Variants in IPCEF1 observed in about 807,000 individuals in gnomAD.
IPCEF1 encodes the protein interactor protein for cytohesin exchange factors 1.
IPCEF1 carries 31 observed loss-of-function variants against 50.9 expected under a neutral mutation model. The observed-to-expected ratio is 0.61, with a 90% CI of 0.46 to 0.82. The LOEUF is 0.82. Among genes scored for constraint, IPCEF1 ranks in the 40% least tolerant of loss-of-function variants. IPCEF1 has a pLI of 0.00. For synonymous variants in IPCEF1, 181 were observed against 192.0 expected (o/e 0.94, Z 0.47); for missense variants, 458 against 514.0 (o/e 0.89, Z 1.05).
At chr6:154,350,596 AT>A (rs1289600641) in intron 1 of IPCEF1, among the ~76,000 whole-genome samples, 1 of 152,250 alleles carries the variant, frequency 6.6e-6, no homozygotes, top group African/African-American at 2.4e-5. Flanking sequence ...AGCACATAAA[AT>A]TACTTTCATT....
intron 1 of IPCEF1, among the ~76,000 whole-genome samples, chr6:154,354,427 A>ACCTCCACCACCACCTCCACCATCT (rs1784173587): frequency 5.9e-4 from 86 of 144,978 alleles, no homozygotes; most frequent in Non-Finnish European, 9.2e-4. Context: ...CTCCACCACC[A>ACCTCCACCACCACCTCCACCATCT]CCTCCACCAT....
chr6:154,252,020 A>G (rs1781348633), intron 3 of IPCEF1, among the ~76,000 whole-genome samples: 1 of 152,238 alleles, frequency 6.6e-6, no homozygotes, highest in South Asian at 2.1e-4. Context: ...TCTGATAAAC[A>G]TGTGAGACAT....
intron 9 of IPCEF1, among the ~76,000 whole-genome samples, chr6:154,203,242 T>C (rs990814061): frequency 2.0e-5 from 3 of 152,114 alleles, no homozygotes; most frequent in Non-Finnish European, 2.9e-5. Flanking sequence ...CTGGTAAATA[T>C]GAGCCCAACC....
intron 9 of IPCEF1, among the ~76,000 whole-genome samples, chr6:154,209,674 T>A (rs537442805): frequency 1.3e-5 from 2 of 151,972 alleles, no homozygotes; most frequent in East Asian, 1.9e-4. Flanking sequence ...TACTATATAT[T>A]TTTTTTATTT....
chr6:154,354,358 C>T (rs1295456975), intron 1 of IPCEF1, among the ~76,000 whole-genome samples: 1 of 138,598 alleles, frequency 7.2e-6, no homozygotes, highest in African/African-American at 2.7e-5. Context: ...CCATGTCTAC[C>T]ATCACTTCTA....
At chr6:154,280,315 C>T (rs1280607150) in intron 2 of IPCEF1, among the ~76,000 whole-genome samples, 1 of 152,118 alleles carries the variant, frequency 6.6e-6, no homozygotes, top group African/African-American at 2.4e-5. Flanking sequence ...CCTATAATCC[C>T]AGTGCTTTGA....
At chr6:154,287,164 T>C (rs951816454) in intron 2 of IPCEF1, among the ~76,000 whole-genome samples, 181 of 75,600 alleles carry the variant, frequency 2.4e-3, no homozygotes, top group African/African-American at 6.7e-3. Flanking sequence ...TCTCTCCCTC[T>C]CTCTCTCTCT....
At chr6:154,273,078 A>C (rs973262929) in intron 2 of IPCEF1, among the ~76,000 whole-genome samples, 9 of 152,222 alleles carry the variant, frequency 5.9e-5, no homozygotes, top group African/African-American at 2.2e-4. Flanking sequence ...ATAACATAGG[A>C]GCTAGGTTGA....
At chr6:154,307,723 C>T (rs1040625847) in intron 1 of IPCEF1, among the ~76,000 whole-genome samples, 2 of 152,206 alleles carry the variant, frequency 1.3e-5, no homozygotes, top group Non-Finnish European at 2.9e-5. Context: ...CACAGATCTG[C>T]ATTTAATGTG....
chr6:154,282,104 G>A (rs2128664512), intron 2 of IPCEF1, among the ~76,000 whole-genome samples: 1 of 152,280 alleles, frequency 6.6e-6, no homozygotes, highest in African/African-American at 2.4e-5. Context: ...GGGAAGCGGA[G>A]GTGGCAATGA....
At chr6:154,350,877 C>T (rs1413893236) in intron 1 of IPCEF1, among the ~76,000 whole-genome samples, 2 of 152,124 alleles carry the variant, frequency 1.3e-5, no homozygotes, top group Non-Finnish European at 1.5e-5. Flanking sequence ...CACATCACCA[C>T]ACCTGGCCAC....
At chr6:154,310,242 A>G (rs554723132) in intron 1 of IPCEF1, among the ~76,000 whole-genome samples, 1 of 152,364 alleles carries the variant, frequency 6.6e-6, no homozygotes, top group East Asian at 1.9e-4. Context: ...AAAAGAGGAC[A>G]TATGATTGGC....
intron 1 of IPCEF1, among the ~76,000 whole-genome samples, chr6:154,302,466 G>C (rs1045732781): frequency 6.6e-6 from 1 of 152,112 alleles, no homozygotes; most frequent in South Asian, 2.1e-4. Flanking sequence ...CCAAGTCCCA[G>C]CTTTTTCTTT....
chr6:154,177,385 T>A (rs1800426656), intron 10 of IPCEF1, among the ~76,000 whole-genome samples: 1 of 151,934 alleles, frequency 6.6e-6, no homozygotes. Context: ...TTGCAATCTA[T>A]CCATCTGACA....
At chr6:154,287,982 A>G (rs1782404706) in intron 2 of IPCEF1, among the ~76,000 whole-genome samples, 2 of 152,258 alleles carry the variant, frequency 1.3e-5, no homozygotes, top group African/African-American at 4.8e-5. Flanking sequence ...CTGACTCATC[A>G]GTAAATGCGT....
intron 7 of IPCEF1, chr6:154,216,962 C>A: frequency 6.2e-6 from 1 of 162,512 alleles, no homozygotes; most frequent in East Asian, 1.6e-4. Flanking sequence ...CCAAAAAACC[C>A]CATAAAACCA....
intron 1 of IPCEF1, among the ~76,000 whole-genome samples, chr6:154,348,924 C>G (rs1003111280): frequency 1.3e-5 from 2 of 152,088 alleles, no homozygotes; most frequent in Non-Finnish European, 2.9e-5. Flanking sequence ...CTGAGCTATT[C>G]AAACAGAATA....
At chr6:154,239,581 T>A (rs1696988284) in intron 5 of IPCEF1, among the ~76,000 whole-genome samples, 1 of 152,250 alleles carries the variant, frequency 6.6e-6, no homozygotes, top group South Asian at 2.1e-4. Flanking sequence ...ATGTCACGTT[T>A]TGCCCTGTCC....
At chr6:154,241,910 G>C (rs1780627114) in intron 5 of IPCEF1, among the ~76,000 whole-genome samples, 1 of 152,114 alleles carries the variant, frequency 6.6e-6, no homozygotes, top group Non-Finnish European at 1.5e-5. Flanking sequence ...ACCTCTAAAT[G>C]GAGAAGCTAT....
Sources: allele counts gnomAD v4.1 joint callset (sites outside exome capture counted in the v4.1 genomes callset), GRCh38; gene constraint gnomAD v4.1.1; transcripts MANE v1.5; gene names NCBI Gene and HGNC (gene_info 2026-07-23, HGNC 2026-07-21).